Variants in RABGAP1L observed in about 807,000 individuals in gnomAD.
RABGAP1L encodes RAB GTPase activating protein 1 like, also known as rab GTPase-activating protein 1-like.
A neutral mutation model predicts 137.7 loss-of-function variants in RABGAP1L; 63 were observed. That is an observed-to-expected ratio of 0.46 (90% CI 0.37 to 0.56). RABGAP1L has a LOEUF of 0.56. Among genes scored for constraint, RABGAP1L ranks in the 20% least tolerant of loss-of-function variants. RABGAP1L has a pLI of 0.00. For missense variants in RABGAP1L, 1,095 were observed against 1,244.0 expected (o/e 0.88, Z 1.80); for synonymous variants, 431 against 433.7 (o/e 0.99, Z 0.08).
chr1:174,262,321 G>A (rs1673644981), intron 7 of RABGAP1L, among the ~76,000 whole-genome samples: 1 of 152,146 alleles, frequency 6.6e-6, no homozygotes, highest in African/African-American at 2.4e-5. Context: ...AAATGTGGAT[G>A]TAGTACTATT....
chr1:174,303,200 G>T (rs1404370120), intron 10 of RABGAP1L, among the ~76,000 whole-genome samples: 3 of 151,612 alleles, frequency 2.0e-5, no homozygotes, highest in Admixed American at 6.6e-5. Flanking sequence ...GTTTTATATA[G>T]ACATTCTTGT....
intron 19 of RABGAP1L, among the ~76,000 whole-genome samples, chr1:174,830,041 G>A (rs1438231276): frequency 6.8e-6 from 1 of 148,124 alleles, no homozygotes; most frequent in Non-Finnish European, 1.5e-5. Flanking sequence ...TCATGTGGTA[G>A]CATTCAACTG....
chr1:174,894,322 T>C (rs2149131072), intron 19 of RABGAP1L, among the ~76,000 whole-genome samples: 1 of 152,342 alleles, frequency 6.6e-6, no homozygotes, highest in Non-Finnish European at 1.5e-5. Context: ...GCTTCCTTCT[T>C]ACTAAAGAGA....
intron 13 of RABGAP1L, among the ~76,000 whole-genome samples, chr1:174,552,540 A>G (rs566700517): frequency 1.2e-4 from 18 of 152,202 alleles, no homozygotes; most frequent in African/African-American, 4.3e-4. Context: ...TCCATGGTGT[A>G]TATGTACACC....
chr1:174,730,365 T>C (rs896630950), intron 17 of RABGAP1L, among the ~76,000 whole-genome samples: 1 of 152,222 alleles, frequency 6.6e-6, no homozygotes, highest in Non-Finnish European at 1.5e-5. Flanking sequence ...TGTTGGATAC[T>C]ATGCTCAGTA....
At chr1:174,880,928 A>G (rs928234787) in intron 19 of RABGAP1L, among the ~76,000 whole-genome samples, 1 of 152,168 alleles carries the variant, frequency 6.6e-6, no homozygotes, top group Admixed American at 6.6e-5. Flanking sequence ...TCAAAAACTA[A>G]CAGGAGTTTT....
chr1:174,747,420 A>C lies in RABGAP1L; in HGVS notation c.2170-4893A>C, dbSNP rs927772934. The stretch of plus-strand genomic sequence containing the variant: ...CTATCTCTAAAAAAAAAAAAAAAAA[A>C]AAAAAACCTGATAGAATAACAAGTT... On this transcript the variant is annotated intron_variant, in intron 17 of 25. Transcript: ENST00000681986. 1.2e-3 allele frequency among the ~76,000 whole-genome samples: 186 copies of C among 151,676 alleles called. 1 individual carries two copies. Among genetic ancestry groups the C allele is most frequent in the African/African-American group, 4.2e-3 (174 of 41,392 alleles).
At chr1:174,872,428 T>G (rs762619297) in intron 19 of RABGAP1L, among the ~76,000 whole-genome samples, 12 of 152,204 alleles carry the variant, frequency 7.9e-5, no homozygotes, top group Non-Finnish European at 1.2e-4. Context: ...CATTCATATT[T>G]TCTCTTTTGT....
At position 174,732,873 on chromosome 1, in the gene RABGAP1L, A is replaced by C. The variant is rs1023260231; in HGVS notation, c.2170-19440A>C. 4.6e-5 allele frequency among the ~76,000 whole-genome samples: 7 copies of C among 152,294 alleles called. No homozygotes were observed. The East Asian group carries it at 1.3e-3, about 29-fold the overall frequency. ...CCAAGACTCTGTCCTGTTTAGTGATATTTCATGGTCTATTTAATAAACTGT... is the reference window on the plus strand; with the variant it reads ...CCAAGACTCTGTCCTGTTTAGTGATCTTTCATGGTCTATTTAATAAACTGT... On this transcript the variant is annotated intron_variant, in intron 17 of 25. Coordinates refer to ENST00000681986, the MANE Select transcript of RABGAP1L (RefSeq NM_001366446.1).
intron 18 of RABGAP1L, among the ~76,000 whole-genome samples, chr1:174,786,327 A>G (rs1385239563): frequency 2.6e-5 from 4 of 152,248 alleles, no homozygotes; most frequent in African/African-American, 4.8e-5. Flanking sequence ...TGGATTTTAT[A>G]ACACTTTATT....
intron 12 of RABGAP1L, 148 bp from the exon 13 acceptor site, chr1:174,393,847 A>C (rs1647469228): frequency 2.9e-6 from 2 of 700,620 alleles, no homozygotes; most frequent in Admixed American, 6.4e-5. Context: ...AACTGAGCTT[A>C]AGCAGTACTA....
At chr1:174,500,580 C>T (rs1222239295) in intron 13 of RABGAP1L, among the ~76,000 whole-genome samples, 1 of 152,146 alleles carries the variant, frequency 6.6e-6, no homozygotes, top group Non-Finnish European at 1.5e-5. Context: ...GATTGACAAT[C>T]ACAGTAGTGT....
At chr1:174,231,706 T>A (rs1426979132) in intron 4 of RABGAP1L, among the ~76,000 whole-genome samples, 2 of 152,060 alleles carry the variant, frequency 1.3e-5, no homozygotes, top group Admixed American at 1.3e-4. Context: ...CTTAAAATCA[T>A]GGCAGAAGGC....
At chr1:174,364,195 G>A (rs1390573273) in intron 11 of RABGAP1L, among the ~76,000 whole-genome samples, 1 of 146,244 alleles carries the variant, frequency 6.8e-6, no homozygotes, top group African/African-American at 2.5e-5. Flanking sequence ...GCTTTATTAC[G>A]ACTTCGATCT....
intron 18 of RABGAP1L, among the ~76,000 whole-genome samples, chr1:174,753,471 A>G (rs538982612): frequency 6.6e-6 from 1 of 152,310 alleles, no homozygotes; most frequent in Non-Finnish European, 1.5e-5. Context: ...TCTATTCCTC[A>G]TCTCTTATTC....
At chr1:174,964,085 C>T (rs150485461) in intron 20 of RABGAP1L, among the ~76,000 whole-genome samples, 41 of 152,240 alleles carry the variant, frequency 2.7e-4, no homozygotes, top group Non-Finnish European at 4.9e-4. Context: ...CTCAGATCTT[C>T]ATTATGGACA....
At chr1:174,332,872 G>A (rs1264537690) in intron 11 of RABGAP1L, among the ~76,000 whole-genome samples, 1 of 152,086 alleles carries the variant, frequency 6.6e-6, no homozygotes, top group African/African-American at 2.4e-5. Flanking sequence ...AGAGACAGCT[G>A]GACTTCCATG....
At chr1:174,485,550 G>T (rs1026703023) in intron 13 of RABGAP1L, among the ~76,000 whole-genome samples, 9 of 152,152 alleles carry the variant, frequency 5.9e-5, no homozygotes, top group African/African-American at 2.2e-4. Context: ...TACCATGAAG[G>T]GATGTGGAAT....
In RABGAP1L at chr1:174,978,894, A is replaced by T. The variant is rs1389771578; in HGVS notation, c.2733+4A>T. 6.6e-7 allele frequency: 1 copy of T among 1,507,722 alleles called. No homozygotes were observed. The highest frequency in any genetic ancestry group is 2.4e-5 in the Admixed American group (1 of 41,854). The allele number at this position is 1,507,722 out of a possible 1,614,324, so 93.4% of individuals were successfully genotyped here. ...TATCATTGCTGAGTATAAACAGGTAATGTACTTCTGTGGCACATAGAGCTA... is the reference window on the plus strand; with the variant it reads ...TATCATTGCTGAGTATAAACAGGTATTGTACTTCTGTGGCACATAGAGCTA... On this transcript the variant is annotated splice_donor_region_variant and intron_variant, in intron 23 of 25. Coordinates refer to ENST00000681986, the MANE Select transcript of RABGAP1L (RefSeq NM_001366446.1).
Sources: gnomAD v4.1 joint callset for allele counts (sites outside exome capture counted in the v4.1 genomes callset) on GRCh38, gnomAD v4.1.1 for gene constraint, MANE v1.5 for transcripts, NCBI Gene and HGNC (gene_info 2026-07-23, HGNC 2026-07-21) for gene names.